The following SLC8A1 variants were observed in gnomAD, a reference collection of about 807,000 sequenced individuals.
The protein encoded by SLC8A1 is sodium/calcium exchanger 1.
Under a neutral mutation model 68.3 loss-of-function variants are expected in SLC8A1, and 18 were observed. The observed-to-expected ratio is 0.26, with a 90% confidence interval of 0.18 to 0.39. The LOEUF (loss-of-function observed/expected upper bound fraction) is 0.39. SLC8A1 is among the 10% of genes least tolerant of loss of function. SLC8A1 has a pLI of 1.00. For missense variants in SLC8A1, 985 were observed against 1,156.7 expected (o/e 0.85, Z 2.15); for synonymous variants, 475 against 415.5 (o/e 1.14, Z -1.74).
At chr2:40,318,547 A>G (rs1400471276) in intron 2 of SLC8A1, among the ~76,000 whole-genome samples, 1 of 152,106 alleles carries the variant, frequency 6.6e-6, no homozygotes, top group African/African-American at 2.4e-5. Flanking sequence ...GTAAGTGATG[A>G]AACCAGAATC....
chr2:40,246,756 C>G (rs988863285), intron 2 of SLC8A1, among the ~76,000 whole-genome samples: 7 of 152,156 alleles, frequency 4.6e-5, no homozygotes, highest in African/African-American at 7.2e-5. Context: ...AGCTAGAACT[C>G]TCTGAAACAG....
intron 2 of SLC8A1, among the ~76,000 whole-genome samples, chr2:40,387,641 CT>C (rs1301423929): frequency 2.0e-5 from 3 of 151,216 alleles, no homozygotes; most frequent in Non-Finnish European, 4.4e-5. Context: ...AGGATATTAA[CT>C]TGGGGTACTT....
intron 2 of SLC8A1, among the ~76,000 whole-genome samples, chr2:40,319,499 C>G (rs1418037837): frequency 6.6e-6 from 1 of 152,100 alleles, no homozygotes; most frequent in Non-Finnish European, 1.5e-5. Flanking sequence ...CACTGAATTT[C>G]TCTCTAGACC....
At chr2:40,101,780 A>G (rs2033905965) in exon 8 of SLC8A1, 1 of 152,026 alleles carries the variant, frequency 6.6e-6, no homozygotes, top group African/African-American at 2.4e-5. Context: ...TGATTCTCAA[A>G]TTTGAGCATG....
intron 2 of SLC8A1, among the ~76,000 whole-genome samples, chr2:40,311,199 C>T (rs923767875): frequency 3.3e-5 from 5 of 152,022 alleles, no homozygotes; most frequent in African/African-American, 1.2e-4. Flanking sequence ...CCAAAATATG[C>T]ACATAAATAT....
intron 1 of SLC8A1, among the ~76,000 whole-genome samples, chr2:40,473,842 T>G (rs1195167398): frequency 6.6e-6 from 1 of 152,216 alleles, no homozygotes; most frequent in Non-Finnish European, 1.5e-5. Flanking sequence ...AACTCTATTT[T>G]GAAGTTTATT....
At chr2:40,451,386 G>A (rs1481559989) in intron 1 of SLC8A1, among the ~76,000 whole-genome samples, 1 of 152,166 alleles carries the variant, frequency 6.6e-6, no homozygotes, top group Non-Finnish European at 1.5e-5. Flanking sequence ...AGTCCGTGGT[G>A]AATGAGCACC....
chr2:40,147,508 C>G (rs1329426689), intron 6 of SLC8A1, among the ~76,000 whole-genome samples: 2 of 151,926 alleles, frequency 1.3e-5, no homozygotes, highest in African/African-American at 4.8e-5. Context: ...ATACCTCCTG[C>G]TAGTGTAGAT....
intron 2 of SLC8A1, among the ~76,000 whole-genome samples, chr2:40,225,868 G>A (rs953039413): frequency 4.6e-5 from 7 of 152,132 alleles, no homozygotes; most frequent in Non-Finnish European, 1.0e-4. Flanking sequence ...ACACAGACAA[G>A]TATGTTTATC....
At chr2:40,353,487 C>T (rs1267214930) in intron 2 of SLC8A1, among the ~76,000 whole-genome samples, 1 of 152,038 alleles carries the variant, frequency 6.6e-6, no homozygotes, top group African/African-American at 2.4e-5. Flanking sequence ...TCCACCTTAA[C>T]CTCCCTCCTC....
chr2:40,457,161 C>G (rs770800756), intron 1 of SLC8A1, among the ~76,000 whole-genome samples: 3 of 152,136 alleles, frequency 2.0e-5, no homozygotes, highest in Non-Finnish European at 4.4e-5. Context: ...ATTTTATTAA[C>G]TGGGAACTTT....
chr2:40,360,442 G>T (rs1222835342), intron 2 of SLC8A1, among the ~76,000 whole-genome samples: 1 of 152,026 alleles, frequency 6.6e-6, no homozygotes, highest in Admixed American at 6.6e-5. Flanking sequence ...TTATATAAGA[G>T]CCCTTTATCT....
rs188402926 is a variant in SLC8A1, at chr2:40,251,126, C to T, written c.1809-73271G>A. 5.3e-5 allele frequency: 8 copies of T among 151,216 alleles called. No individual in the cohort carries two copies. The South Asian group carries it at 8.3e-4, about 16-fold the overall frequency. The allele number at this position is 151,216 out of a possible 1,614,324, so 9.4% of individuals were successfully genotyped here. A position where few individuals can be genotyped will look rare whatever the true frequency, so the allele number is the denominator to read the frequency against. On this transcript the variant is annotated intron_variant, in intron 2 of 7. Transcript: ENST00000406785. ...TACTGGATTTCTGCAGGGGATATTG[C>T]GAAAATACTAAAATACTAAGGTGTG...
In SLC8A1 at chr2:40,339,340, C is replaced by T. The variant is rs779241613; in HGVS notation, c.1808+89133G>A. On this transcript the variant is annotated intron_variant, in intron 2 of 7. Coordinates refer to ENST00000406785, the Ensembl canonical transcript of SLC8A1. ...CTCTCATTACCTCTCATCTAGATAGCGGCAGGAGGAAAGGATATCAGAAGG... is the reference window on the plus strand; with the variant it reads ...CTCTCATTACCTCTCATCTAGATAGTGGCAGGAGGAAAGGATATCAGAAGG... 4.7e-4 allele frequency among the ~76,000 whole-genome samples: 71 copies of T among 152,064 alleles called. 1 individual carries two copies. The highest frequency in any genetic ancestry group is 1.4e-3 in the Admixed American group (22 of 15,250).
intron 2 of SLC8A1, among the ~76,000 whole-genome samples, chr2:40,324,407 A>C (rs2149351143): frequency 6.6e-6 from 1 of 152,320 alleles, no homozygotes; most frequent in East Asian, 1.9e-4. Context: ...TTCCTAAACC[A>C]ACATGGCAAG....
intron 2 of SLC8A1, among the ~76,000 whole-genome samples, chr2:40,278,401 G>A (rs184185501): frequency 7.8e-4 from 119 of 152,210 alleles, no homozygotes; most frequent in Middle Eastern, 3.4e-3. Flanking sequence ...CCTGGGAAGC[G>A]GAGGTGGCAG....
intron 2 of SLC8A1, among the ~76,000 whole-genome samples, chr2:40,315,916 T>G (rs1398656530): frequency 6.6e-6 from 1 of 152,076 alleles, no homozygotes; most frequent in African/African-American, 2.4e-5. Flanking sequence ...GAAACGGACC[T>G]GGGCATGCAA....
intron 2 of SLC8A1, among the ~76,000 whole-genome samples, chr2:40,366,999 C>A (rs942806555): frequency 2.6e-5 from 4 of 151,966 alleles, no homozygotes; most frequent in Non-Finnish European, 5.9e-5. Context: ...GATTAACCTT[C>A]AGCATCTGAT....
intron 2 of SLC8A1, among the ~76,000 whole-genome samples, chr2:40,342,262 T>C (rs1667934922): frequency 6.6e-6 from 1 of 152,184 alleles, no homozygotes; most frequent in African/African-American, 2.4e-5. Flanking sequence ...AAATGGCCTA[T>C]ATATACTTAG....
Sources: gnomAD v4.1 joint callset for allele counts (sites outside exome capture counted in the v4.1 genomes callset) on GRCh38, gnomAD v4.1.1 for gene constraint, MANE v1.5 for transcripts, NCBI Gene and HGNC (gene_info 2026-07-23, HGNC 2026-07-21) for gene names.